Variants in FAP observed in about 807,000 individuals in gnomAD.
FAP encodes the protein fibroblast activation protein alpha, also known as prolyl endopeptidase FAP.
Under a neutral mutation model 126.5 loss-of-function variants are expected in FAP, and 110 were observed. The ratio of observed to expected loss-of-function variants is 0.87; its 90% CI spans 0.74 to 1.02. The LOEUF (loss-of-function observed/expected upper bound fraction) is 1.02, where lower values mean the gene tolerates loss of function less well. Ranked by LOEUF, FAP falls within the 50% of genes least tolerant of loss-of-function variation. The probability of loss-of-function intolerance (pLI) is 0.00; values close to 1 mark genes in which losing one functional copy is unlikely to be tolerated. For missense variants in FAP, 919 were observed against 909.2 expected (o/e 1.01, Z -0.14); for synonymous variants, 334 against 297.3 (o/e 1.12, Z -1.27).
intron 11 of FAP, among the ~76,000 whole-genome samples, chr2:162,210,729 A>G (rs148657469): frequency 6.6e-5 from 10 of 152,318 alleles, no homozygotes; most frequent in African/African-American, 2.4e-4. Flanking sequence ...TATGAACATG[A>G]TGCAGAGGAT....
At chr2:162,217,415 C>T (rs566255003) in intron 9 of FAP, among the ~76,000 whole-genome samples, 1 of 152,264 alleles carries the variant, frequency 6.6e-6, no homozygotes, top group Non-Finnish European at 1.5e-5. Flanking sequence ...CAGGTCTCCT[C>T]CCTCCAGATG....
intron 2 of FAP, among the ~76,000 whole-genome samples, chr2:162,238,511 A>G (rs1020878956): frequency 6.6e-6 from 1 of 152,144 alleles, no homozygotes; most frequent in Non-Finnish European, 1.5e-5. Flanking sequence ...TTCACGTGCA[A>G]ATTAGAGAAC....
At chr2:162,198,529 T>C in intron 16 of FAP, 1 of 708,594 alleles carries the variant, frequency 1.4e-6, no homozygotes, top group South Asian at 2.0e-5. Flanking sequence ...AGTGCGGACC[T>C]TTTGGCAAGT....
intron 21 of FAP, among the ~76,000 whole-genome samples, chr2:162,183,051 C>T (rs1262177855): frequency 6.6e-6 from 1 of 151,906 alleles, no homozygotes; most frequent in Non-Finnish European, 1.5e-5. Flanking sequence ...AATTGTAGCT[C>T]CAATTTTTAT....
At chr2:162,197,856 C>G in intron 16 of FAP, 1 of 336,848 alleles carries the variant, frequency 3.0e-6, no homozygotes. Flanking sequence ...TACCTTTTTC[C>G]AAGTACTCTA....
chr2:162,219,753 A>ATTTTTTTT, intron 7 of FAP, 100 bp downstream of exon 7: 1 of 784,934 alleles, frequency 1.3e-6, no homozygotes. Context: ...TCATGAATGT[A>ATTTTTTTT]TTTTTTTTTC....
intron 12 of FAP, among the ~76,000 whole-genome samples, chr2:162,203,498 G>A (rs1186779688): frequency 1.3e-5 from 2 of 152,174 alleles, no homozygotes; most frequent in African/African-American, 4.8e-5. Flanking sequence ...CTAAAATGAG[G>A]TATTTGACCA....
At chr2:162,193,087 C>T (rs1158702153) in intron 17 of FAP, among the ~76,000 whole-genome samples, 3 of 152,156 alleles carry the variant, frequency 2.0e-5, no homozygotes, top group African/African-American at 7.2e-5. Context: ...GGACCTAGCA[C>T]AGTGCCTGGC....
chr2:162,221,488 G>A (rs1689393760), intron 6 of FAP: 1 of 351,416 alleles, frequency 2.8e-6, no homozygotes, highest in Admixed American at 3.8e-5. Context: ...TCACACCACT[G>A]CACTCCAGCT....
chr2:162,179,647 C>T (rs1687613967), intron 21 of FAP, among the ~76,000 whole-genome samples: 1 of 151,766 alleles, frequency 6.6e-6, no homozygotes, highest in South Asian at 2.1e-4. Context: ...TCTTAAAGAG[C>T]AAGTGTGAGT....
chr2:162,225,857 G>A (rs1689624263), intron 3 of FAP, among the ~76,000 whole-genome samples: 1 of 152,034 alleles, frequency 6.6e-6, no homozygotes, highest in Non-Finnish European at 1.5e-5. Context: ...GGTTACAAAG[G>A]GGATAAACTA....
chr2:162,210,838 G>C (rs1688903117), intron 11 of FAP, among the ~76,000 whole-genome samples: 1 of 152,116 alleles, frequency 6.6e-6, no homozygotes, highest in Non-Finnish European at 1.5e-5. Flanking sequence ...TCAAGCTCAT[G>C]GCAGTGAGAA....
intron 9 of FAP, among the ~76,000 whole-genome samples, chr2:162,216,550 G>C (rs78084652): frequency 0.033 from 5,016 of 152,222 alleles, 297 homozygotes; most frequent in African/African-American, 0.11. Flanking sequence ...TCCAAATGAA[G>C]TATCCATGAG....
chr2:162,221,242 T>A (rs1689381658), intron 6 of FAP, among the ~76,000 whole-genome samples: 1 of 151,978 alleles, frequency 6.6e-6, no homozygotes, highest in Non-Finnish European at 1.5e-5. Flanking sequence ...AAGAGCCCAG[T>A]TAAAAGATTG....
chr2:162,217,005 A>C (rs1276835565), intron 9 of FAP, among the ~76,000 whole-genome samples: 1 of 152,206 alleles, frequency 6.6e-6, no homozygotes, highest in East Asian at 1.9e-4. Flanking sequence ...GTTCTTTTAC[A>C]TCTTGGGTTC....
chr2:162,174,556 T>G (rs546382500), intron 22 of FAP, among the ~76,000 whole-genome samples: 1 of 152,172 alleles, frequency 6.6e-6, no homozygotes, highest in Non-Finnish European at 1.5e-5. Flanking sequence ...AAGCCAATTA[T>G]GCTGTAGCTG....
chr2:162,219,182 G>A lies in FAP; in HGVS notation c.488C>T (p.Ala163Val), dbSNP rs779177008. 1.9e-6 allele frequency: 3 copies of A among 1,601,464 alleles called. No homozygotes were observed. The highest frequency in any genetic ancestry group is 2.6e-6 in the Non-Finnish European group (3 of 1,174,440). The change falls in exon 8 of 26, where the codon GCA becomes GTA. Residue 163 changes from alanine to valine, a missense_variant and splice_region_variant. Transcript: ENST00000188790. The part of the protein sequence containing the change: ...LCWSPVGSKL[A>V]YVYQNNIYLK... ...ATAGATATTGTTTTGATAGACATAT[G>A]CCTAAAAGTGGTGGTAAGGGGAAAT...
At chr2:162,210,124 AT>A (rs1221831381) in intron 11 of FAP, 128 bp from the exon 12 acceptor site, 1 of 720,550 alleles carries the variant, frequency 1.4e-6, no homozygotes, top group African/African-American at 1.8e-5. Context: ...CTAACTTCAA[AT>A]TTGAGTTTAA....
At chr2:162,219,406 T>C (rs1410145731) in intron 7 of FAP, among the ~76,000 whole-genome samples, 1 of 152,178 alleles carries the variant, frequency 6.6e-6, no homozygotes, top group African/African-American at 2.4e-5. Context: ...CCTATTATTT[T>C]CTTAGTTGTT....
Sources: allele counts gnomAD v4.1 joint callset (sites outside exome capture counted in the v4.1 genomes callset), GRCh38; gene constraint gnomAD v4.1.1; transcripts MANE v1.5; gene names NCBI Gene and HGNC (gene_info 2026-07-23, HGNC 2026-07-21).